SMC3: variants seen among roughly 807,000 people sequenced by gnomAD.
SMC3 encodes structural maintenance of chromosomes 3.
SMC3 carries 20 observed loss-of-function variants against 171.8 expected under a neutral mutation model. The ratio of observed to expected loss-of-function variants is 0.12; its 90% CI spans 0.08 to 0.17. SMC3 has a LOEUF of 0.17. Among genes scored for constraint, SMC3 ranks in the 10% least tolerant of loss-of-function variants. SMC3 has a pLI of 1.00. For missense variants in SMC3, 543 were observed against 1,420.4 expected, an observed-to-expected ratio of 0.38 and a Z score of 9.93; for synonymous variants, 464 against 451.1, an observed-to-expected ratio of 1.03 and a Z score of -0.36.
chr10:110,604,094 C>CAAAAAAAAAAAAAAAAAAAAAAAATAAA, intron 28 of SMC3, 137 bp from the exon 29 acceptor site: 1 of 202,006 alleles, frequency 5.0e-6, no homozygotes, highest in Non-Finnish European at 8.8e-6. Flanking sequence ...GACTCCATCT[C>CAAAAAAAAAAAAAAAAAAAAAAAATAAA]AAAAAAAAAA....
chr10:110,594,137 A>T lies in SMC3; in HGVS notation c.1963+914A>T, dbSNP rs1008291981. ...AGCAGGGGTTCTTAACCTTTTTTGC[A>T]GTGTGGACTGCTTTGGCTGTTTGAA... On this transcript the variant is annotated intron_variant, in intron 18 of 28. Transcript: ENST00000361804. Among the ~76,000 whole-genome samples, 9 of 151,802 alleles carry T rather than the reference A, an allele frequency of 5.9e-5. No individual in the cohort carries two copies. In the East Asian group the frequency reaches 1.5e-3, roughly 26 times the overall value.
chr10:110,604,156 C>G, intron 28 of SMC3, 75 bp from the exon 29 acceptor site: 1 of 771,186 alleles, frequency 1.3e-6, no homozygotes, highest in East Asian at 2.8e-5. Flanking sequence ...AGTTGATAGG[C>G]TGTATATATT....
rs767708203 is a variant in SMC3 at position 110,577,792 on chromosome 10, C to G, written c.271-43C>G. 6.5e-6 allele frequency: 9 copies of G among 1,386,664 alleles called. No individual in the cohort carries two copies. The African/African-American group carries it at 1.3e-4, about 20-fold the overall frequency. The allele number at this position is 1,386,664 out of a possible 1,614,324, so 85.9% of individuals were successfully genotyped here. Reference sequence around the variant, plus strand: ...ATGACCTTATTTAAAAAGTTTTCTCCTTTACTATTAAATTAACTGTGGGCT... The same window carrying G: ...ATGACCTTATTTAAAAAGTTTTCTCGTTTACTATTAAATTAACTGTGGGCT... On this transcript the variant is annotated intron_variant, in intron 5 of 28. Coordinates refer to ENST00000361804, the MANE Select transcript of SMC3 (RefSeq NM_005445.4).
At chr10:110,588,071 A>C (rs1029343523) in intron 13 of SMC3, among the ~76,000 whole-genome samples, 6 of 151,830 alleles carry the variant, frequency 4.0e-5, no homozygotes, top group Non-Finnish European at 7.4e-5. Flanking sequence ...GCTCACTGCA[A>C]CCTCCCCATC....
intron 18 of SMC3, among the ~76,000 whole-genome samples, chr10:110,595,262 G>GA: frequency 6.7e-6 from 1 of 148,582 alleles, no homozygotes; most frequent in Non-Finnish European, 1.5e-5. Context: ...TTACAGGCAT[G>GA]ACCACCATGC....
intron 23 of SMC3, 46 bp from the exon 24 acceptor site, chr10:110,601,591 T>A: frequency 6.3e-7 from 1 of 1,584,702 alleles, no homozygotes; most frequent in Admixed American, 1.7e-5. Context: ...CATATAACAC[T>A]GGCTTTATAG....
At chr10:110,597,259 G>A (rs1295353266) in intron 19 of SMC3, among the ~76,000 whole-genome samples, 4 of 151,222 alleles carry the variant, frequency 2.6e-5, no homozygotes, top group South Asian at 2.1e-4. Flanking sequence ...TAACCAAGTC[G>A]GAGTAGCCAT....
chr10:110,572,566 T>G (rs4338463), intron 2 of SMC3, among the ~76,000 whole-genome samples: 1,605 of 152,312 alleles, frequency 0.011, 26 homozygotes, highest in Admixed American at 0.045. Flanking sequence ...TGTCTGACTC[T>G]TATTGATGAT....
chr10:110,579,407 T>C (rs909224725), intron 7 of SMC3, among the ~76,000 whole-genome samples: 2 of 152,204 alleles, frequency 1.3e-5, no homozygotes, highest in Non-Finnish European at 2.9e-5. Flanking sequence ...ATAAATTTTT[T>C]TAAATGGAGG....
intron 17 of SMC3, among the ~76,000 whole-genome samples, chr10:110,592,340 G>A (rs1333767304): frequency 6.6e-6 from 1 of 152,054 alleles, no homozygotes; most frequent in African/African-American, 2.4e-5. Context: ...GTCGTTTCTC[G>A]CAGGTAACCA....
rs1264960325 is a variant in SMC3, at chr10:110,592,927, TCTAA to T, written c.1813-142_1813-139del. 3 of 731,064 alleles carry T rather than the reference TCTAA, an allele frequency of 4.1e-6. No homozygotes were observed. In the African/African-American group the frequency reaches 5.3e-5, roughly 13 times the overall value. 45.3% of individuals were successfully genotyped at this position (731,064 alleles called of 1,614,324 possible). On this transcript the variant is annotated intron_variant, in intron 17 of 28. Transcript: ENST00000361804. Reference sequence around the variant, plus strand: ...CAGGATATTCTAGTGGAATGAGTCTTCTAACTACTTCAGGGAAAACGCCAATCGT... The same window carrying T: ...CAGGATATTCTAGTGGAATGAGTCTTCTACTTCAGGGAAAACGCCAATCGT...
At chr10:110,600,114 A>G (rs953523937) in intron 21 of SMC3, among the ~76,000 whole-genome samples, 1 of 152,212 alleles carries the variant, frequency 6.6e-6, no homozygotes, top group Non-Finnish European at 1.5e-5. Context: ...TACTGCCTTT[A>G]CATATTTAAT....
chr10:110,595,255 C>T (rs1223463363), intron 18 of SMC3, among the ~76,000 whole-genome samples: 2 of 148,880 alleles, frequency 1.3e-5, no homozygotes, highest in Admixed American at 6.9e-5. Context: ...GCTGGGATTA[C>T]AGGCATGACC....
rs763310674 is a variant in SMC3 at position 110,602,813 on chromosome 10, G to C, written c.3298-12G>C. The C allele has an allele frequency of 6.2e-7, 1 of 1,612,470 alleles. No homozygotes were observed. The highest frequency in any genetic ancestry group is 1.1e-5 in the South Asian group (1 of 91,048). On this transcript the variant is annotated splice_polypyrimidine_tract_variant and intron_variant, in intron 26 of 28. Coordinates refer to ENST00000361804, the MANE Select transcript of SMC3 (RefSeq NM_005445.4). ...CCTTTAGGATATTAACTCATAATAT[G>C]TTTATTTTTAGGTGTCATTTACAGG...
At position 110,594,554 on chromosome 10, in the gene SMC3, AAAAT is replaced by A. The variant is rs1294284764; in HGVS notation, c.1963+1335_1963+1338del. ...GCTAAATCTCATTTTGAGGTTAATAAAAATAAAGATGTAAATTTTTTTCCTACTC... is the reference window on the plus strand; with the variant it reads ...GCTAAATCTCATTTTGAGGTTAATAAAAAGATGTAAATTTTTTTCCTACTC... On this transcript the variant is annotated intron_variant, in intron 18 of 28. Transcript: ENST00000361804. Among the ~76,000 whole-genome samples the A allele has an allele frequency of 2.6e-5, 4 of 152,170 alleles. No homozygotes were observed. In the East Asian group the frequency reaches 7.7e-4, roughly 29 times the overall value.
chr10:110,577,984 G>T, intron 6 of SMC3, 70 bp downstream of exon 6: 2 of 1,095,302 alleles, frequency 1.8e-6, no homozygotes, highest in Admixed American at 3.5e-5. Context: ...TGCTGTGTTG[G>T]CCAGGTTGGT....
chr10:110,595,914 G>GGTC (rs1554883661), intron 18 of SMC3, among the ~76,000 whole-genome samples: 2 of 28,878 alleles, frequency 6.9e-5, no homozygotes, highest in Non-Finnish European at 7.3e-5. Context: ...TCAACTGGAG[G>GGTC]TTCTTTTTTT....
rs1861395882 is a variant in SMC3 at position 110,602,079 on chromosome 10, G to A, written c.3006G>A (p.Lys1002=). The change falls in exon 25 of 29, where the codon AAG becomes AAA. Residue 1002 remains lysine, a synonymous_variant. Coordinates refer to ENST00000361804, the MANE Select transcript of SMC3 (RefSeq NM_005445.4). ...CCGAGCAGAAAGAAAAGTTAATAAA[G>A]CGTCAAGAAGAGTTAGATAGGGGTT... ...NFSEQKEKLI[K]RQEELDRGYK... is the part of the protein sequence containing the mutation. 6.2e-7 allele frequency: 1 copy of A among 1,613,702 alleles called. No individual in the cohort carries two copies.
intron 2 of SMC3, among the ~76,000 whole-genome samples, chr10:110,569,611 A>G (rs545511254): frequency 2.0e-5 from 3 of 152,288 alleles, no homozygotes; most frequent in Admixed American, 2.0e-4. Context: ...GTGCACATGT[A>G]TCCTAGTATA....
Sources: gnomAD v4.1 joint callset for allele counts (sites outside exome capture counted in the v4.1 genomes callset) on GRCh38, gnomAD v4.1.1 for gene constraint, MANE v1.5 for transcripts, NCBI Gene and HGNC (gene_info 2026-07-23, HGNC 2026-07-21) for gene names.